The following EFCC1 variants were observed in gnomAD, a reference collection of about 807,000 sequenced individuals.
EFCC1 encodes EF-hand and coiled-coil domain-containing protein 1.
In EFCC1, 50 loss-of-function variants were observed where a neutral mutation model predicts 52.1. The ratio of observed to expected loss-of-function variants is 0.96; its 90% CI spans 0.76 to 1.21. EFCC1 has a LOEUF of 1.21. EFCC1 is among the 50% of genes most tolerant of loss of function. The probability of loss-of-function intolerance (pLI) is 0.00; values close to 1 mark genes in which losing one functional copy is unlikely to be tolerated. For missense variants in EFCC1, 837 were observed against 867.3 expected, an observed-to-expected ratio of 0.97 and a Z score of 0.44; for synonymous variants, 399 against 396.5, an observed-to-expected ratio of 1.01 and a Z score of -0.08.
At position 129,010,661 on chromosome 3, in the gene EFCC1, C is replaced by A. The variant is rs886656079; in HGVS notation, c.980+6584C>A. Among the ~76,000 whole-genome samples, 1 of 145,012 alleles carries A rather than the reference C, an allele frequency of 6.9e-6. No homozygotes were observed. The highest frequency in any genetic ancestry group is 1.5e-5 in the Non-Finnish European group (1 of 65,990). Reference sequence around the variant, plus strand: ...CAGCCTTTGGGTGGGCCAAACTCAGCGGGTCCAGGGTGGGAGGGAGGCAGA... The same window carrying A: ...CAGCCTTTGGGTGGGCCAAACTCAGAGGGTCCAGGGTGGGAGGGAGGCAGA... On this transcript the variant is annotated intron_variant, in intron 2 of 7. Transcript: ENST00000683648. This position sits in a 1 kb window ranked among gnomAD's most constrained non-coding sequence, Gnocchi z 4.3.
At chr3:129,012,895 G>A (rs1945392536) in intron 2 of EFCC1, among the ~76,000 whole-genome samples, 1 of 152,220 alleles carries the variant, frequency 6.6e-6, no homozygotes, top group Non-Finnish European at 1.5e-5. Flanking sequence ...TTTTTATGTA[G>A]TGTAGCAGTT....
rs1945468540 is a variant in EFCC1, at chr3:129,014,290, G to C, written c.980+10213G>C. On this transcript the variant is annotated intron_variant, in intron 2 of 7. Transcript: ENST00000683648. The surrounding 1 kb of genome is among the most constrained non-coding windows in gnomAD (Gnocchi z 4.3). ...ACGAGGGGAGGGTCAGGGAGTGTGA[G>C]TCAGCTCGGGCTGCTGTGACAAGCC... Among the ~76,000 whole-genome samples, 1 of 152,238 alleles carries C rather than the reference G, an allele frequency of 6.6e-6. No individual in the cohort carries two copies. The highest frequency in any genetic ancestry group is 1.5e-5 in the Non-Finnish European group (1 of 68,052).
In EFCC1 at chr3:129,032,852, G is replaced by A; in HGVS notation, c.1172G>A (p.Gly391Asp). ...GAGCAGCTGTTCCGCTCCGTGGAGG[G>A]CCAGGCCGCCTCTGACGAGGAGGAG... ...VDEQLFRSVE[G>D]QAASDEEEVE... is the part of the protein sequence containing the mutation. Residue 391 changes from glycine to aspartate, a missense_variant, in exon 4 of 8, where the codon GGC becomes GAC. By Grantham distance (94) the Gly-to-Asp change is moderately conservative. Transcript: ENST00000683648. The A allele has an allele frequency of 6.4e-7, 1 of 1,551,460 alleles. No individual in the cohort carries two copies. Among genetic ancestry groups the A allele is most frequent in the Non-Finnish European group, 8.7e-7 (1 of 1,146,936 alleles).
chr3:129,029,759 ATT>A (rs1202088796), intron 2 of EFCC1, among the ~76,000 whole-genome samples: 1 of 150,694 alleles, frequency 6.6e-6, no homozygotes, highest in African/African-American at 2.4e-5. Context: ...TAATTTTTAT[ATT>A]TTTAGTGGAG....
intron 2 of EFCC1, among the ~76,000 whole-genome samples, chr3:129,028,934 C>T (rs1020447255): frequency 1.3e-5 from 2 of 152,210 alleles, no homozygotes; most frequent in African/African-American, 4.8e-5. Flanking sequence ...AGCCACTGTG[C>T]CCAGCCTCAT....
chr3:129,003,055 G>C (rs1341943061), intron 1 of EFCC1, among the ~76,000 whole-genome samples: 2 of 152,196 alleles, frequency 1.3e-5, no homozygotes, highest in African/African-American at 4.8e-5. Flanking sequence ...GAGGAGGAAA[G>C]GAACAGCCCC....
At position 129,001,761 on chromosome 3, in the gene EFCC1, G is replaced by A. The variant is rs764026856; in HGVS notation, c.133G>A (p.Glu45Lys). The A allele has an allele frequency of 3.2e-6, 5 of 1,541,982 alleles. No individual in the cohort carries two copies. The South Asian group carries it at 6.0e-5, about 18-fold the overall frequency. ...CCACTACGGGCTGGACCGCGGCGTGGAGAACGAGATCGTGGTGCTGGCCAC... is the reference window on the plus strand; with the variant it reads ...CCACTACGGGCTGGACCGCGGCGTGAAGAACGAGATCGTGGTGCTGGCCAC... ...AHHYGLDRGV[E>K]NEIVVLATGL... Residue 45 changes from glutamate to lysine, a missense_variant, in exon 1 of 8, where the codon GAG (glutamate) becomes AAG (lysine). Coordinates refer to ENST00000683648, the MANE Select transcript of EFCC1 (RefSeq NM_001377500.1).
intron 2 of EFCC1, among the ~76,000 whole-genome samples, chr3:129,011,116 T>G (rs1308844181): frequency 6.6e-6 from 1 of 152,178 alleles, no homozygotes; most frequent in Non-Finnish European, 1.5e-5. Flanking sequence ...AGCAAGCCAT[T>G]CTCACCTCTG....
At chr3:129,038,953 TGAG>T (rs1200642028) in intron 7 of EFCC1, 53 bp downstream of exon 7, 13 of 1,476,130 alleles carry the variant, frequency 8.8e-6, no homozygotes, top group African/African-American at 1.4e-5. Flanking sequence ...GAGGGTGTCC[TGAG>T]GAGGAGACTC....
rs1456468797 is a variant in EFCC1, at chr3:129,040,100, G to A, written c.*252G>A. The A allele has an allele frequency of 4.4e-6, 2 of 453,940 alleles. No homozygotes were observed. Among genetic ancestry groups the A allele is most frequent in the Non-Finnish European group, 3.9e-6 (1 of 259,022 alleles). 28.1% of individuals were successfully genotyped at this position (453,940 alleles called of 1,614,324 possible). ...TCCTGCCACCAGAGTCCACATTAAA[G>A]CCCTGCAGTTGCTGGATCAGCCTGC... On this transcript the variant is annotated 3_prime_UTR_variant, in exon 8 of 8. Transcript: ENST00000683648. The surrounding 1 kb of genome is among the most constrained non-coding windows in gnomAD (Gnocchi z 4.4).
intron 5 of EFCC1, among the ~76,000 whole-genome samples, 190 bp downstream of exon 5, chr3:129,034,519 C>T (rs891591448): frequency 6.6e-6 from 1 of 152,184 alleles, no homozygotes; most frequent in African/African-American, 2.4e-5. Flanking sequence ...GATCCCACCT[C>T]AAATTAGCTT....
chr3:129,012,462 A>G (rs912844612), intron 2 of EFCC1, among the ~76,000 whole-genome samples: 9 of 152,086 alleles, frequency 5.9e-5, no homozygotes, highest in Non-Finnish European at 2.9e-5. Context: ...CCTGCTCCAC[A>G]TAGCTGGGAA....
At position 129,026,723 on chromosome 3, in the gene EFCC1, A is replaced by G. The variant is rs372646618; in HGVS notation, c.981-3980A>G. On this transcript the variant is annotated intron_variant, in intron 2 of 7. Transcript: ENST00000683648. Reference sequence around the variant, plus strand: ...TTTTCTTCTCCAGGCTGTAGTCTGGAGCCTGTGGAGTAGGGAGATACTGGC... The same window carrying G: ...TTTTCTTCTCCAGGCTGTAGTCTGGGGCCTGTGGAGTAGGGAGATACTGGC... Among the ~76,000 whole-genome samples the G allele has an allele frequency of 1.2e-4, 19 of 152,154 alleles. 1 individual carries two copies. The highest frequency in any genetic ancestry group is 9.7e-4 in the East Asian group (5 of 5,172).
chr3:129,021,254 TA>T (rs1945829303), intron 2 of EFCC1, among the ~76,000 whole-genome samples: 2 of 152,238 alleles, frequency 1.3e-5, no homozygotes, highest in South Asian at 4.1e-4. Context: ...ACCTCTGTCT[TA>T]TATATAAACA....
At chr3:129,017,438 TGCACAAGCTC>T (rs1945635716) in intron 2 of EFCC1, among the ~76,000 whole-genome samples, 1 of 152,238 alleles carries the variant, frequency 6.6e-6, no homozygotes, top group Non-Finnish European at 1.5e-5. Context: ...CGGGCTTCTC[TGCACAAGCTC>T]GCACAAGGCC....
Position 129,003,951 on chromosome 3 carries a change from C to G in EFCC1, c.854C>G (p.Ala285Gly), listed in dbSNP as rs749718016. 1 of 1,418,118 alleles carries G rather than the reference C, an allele frequency of 7.1e-7. No homozygotes were observed. The highest frequency in any genetic ancestry group is 1.4e-5 in the South Asian group (1 of 69,700). The allele number at this position is 1,418,118 out of a possible 1,614,324, so 87.8% of individuals were successfully genotyped here. ...GGCCAGGCCGAGGTGCGGCGGCGCG[C>G]GGAGGAGGCCCGGCAGGTGGTGCTG... ...RRGQAEVRRR[A>G]EEARQVVLRS... Residue 285 changes from alanine to glycine, a missense_variant, in exon 2 of 8, where the codon GCG (alanine) becomes GGG (glycine). Coordinates refer to ENST00000683648, the MANE Select transcript of EFCC1 (RefSeq NM_001377500.1).
At chr3:129,036,475 C>T (rs955420181) in intron 5 of EFCC1, among the ~76,000 whole-genome samples, 7 of 152,272 alleles carry the variant, frequency 4.6e-5, no homozygotes, top group African/African-American at 1.7e-4. Flanking sequence ...TAGGTGGCCC[C>T]CTGGCCAAGA....
chr3:129,021,622 A>ACTC (rs10676329), intron 2 of EFCC1, among the ~76,000 whole-genome samples: 9,419 of 152,220 alleles, frequency 0.062, 781 homozygotes, highest in African/African-American at 0.19. Flanking sequence ...TTATGCTTGT[A>ACTC]CTGTGAGTCT....
At chr3:129,018,507 A>G (rs931163365) in intron 2 of EFCC1, among the ~76,000 whole-genome samples, 1 of 152,256 alleles carries the variant, frequency 6.6e-6, no homozygotes, top group Admixed American at 6.5e-5. Flanking sequence ...GCTCCTGTGC[A>G]GAGTGGAGTA....
Sources: allele counts gnomAD v4.1 joint callset (sites outside exome capture counted in the v4.1 genomes callset), GRCh38; gene constraint gnomAD v4.1.1; non-coding constraint Gnocchi (gnomAD v3.1); transcripts MANE v1.5; gene names NCBI Gene and HGNC (gene_info 2026-07-23, HGNC 2026-07-21).